Variants in CASQ1 observed in about 807,000 individuals in gnomAD.
CASQ1 encodes the protein calsequestrin-1.
CASQ1 carries 40 observed loss-of-function variants against 49.5 expected under a neutral mutation model. That is an observed-to-expected ratio of 0.81 (90% CI 0.63 to 1.05). CASQ1 has a LOEUF of 1.05. CASQ1 is among the 50% of genes least tolerant of loss of function. The probability of loss-of-function intolerance (pLI) is 0.00; values close to 1 mark genes in which losing one functional copy is unlikely to be tolerated. For synonymous variants in CASQ1, 174 were observed against 187.2 expected, an observed-to-expected ratio of 0.93 and a Z score of 0.58; for missense variants, 469 against 486.9, an observed-to-expected ratio of 0.96 and a Z score of 0.35.
chr1:160,192,109 G>A (rs1654089154), intron 1 of CASQ1, among the ~76,000 whole-genome samples: 1 of 152,238 alleles, frequency 6.6e-6, no homozygotes, highest in African/African-American at 2.4e-5. Context: ...TGAACGCTAA[G>A]CTGGAAGGCT....
intron 7 of CASQ1, 80 bp from the exon 8 acceptor site, chr1:160,198,597 A>C: frequency 1.0e-6 from 1 of 976,198 alleles, no homozygotes; most frequent in Non-Finnish European, 1.6e-6. Context: ...AACATCTAGG[A>C]TCTGTTCTGG....
Position 160,195,944 on chromosome 1 carries a change from G to T in CASQ1, c.699G>T (p.Glu233Asp), listed in dbSNP as rs370167276. Reference protein sequence around the residue: ...TLKLNEIDFYEAFMEEPVTIP... With the variant: ...TLKLNEIDFYDAFMEEPVTIP... Reference sequence around the variant, plus strand: ...AGCTGAATGAGATTGATTTCTACGAGGCCTTCATGGAAGAGCCTGTGACCA... The same window carrying T: ...AGCTGAATGAGATTGATTTCTACGATGCCTTCATGGAAGAGCCTGTGACCA... Residue 233 changes from glutamate to aspartate, a missense_variant, in exon 6 of 11, where the codon GAG (glutamate) becomes GAT (aspartate). Physicochemically the swap from Glu to Asp is conservative, Grantham distance 45 (BLOSUM62 2). Transcript: ENST00000368078. The T allele has an allele frequency of 6.2e-7, 1 of 1,613,996 alleles. No homozygotes were observed. Among genetic ancestry groups the T allele is most frequent in the Non-Finnish European group, 8.5e-7 (1 of 1,179,952 alleles).
At chr1:160,197,745 G>A (rs1398301175) in intron 7 of CASQ1, 131 bp downstream of exon 7, 19 of 692,736 alleles carry the variant, frequency 2.7e-5, no homozygotes, top group Admixed American at 4.2e-5. Context: ...CCAGCTGGGT[G>A]TGGTGGCTCA....
In CASQ1 at chr1:160,201,487, G is replaced by T; in HGVS notation, c.*111G>T. On this transcript the variant is annotated 3_prime_UTR_variant, in exon 11 of 11. Coordinates refer to ENST00000368078, the MANE Select transcript of CASQ1 (RefSeq NM_001231.5). ...AGACTAGGTTATTCTCTGCCATAGA[G>T]CTAACTGGGGTCTATATGCTGGGTG... The T allele has an allele frequency of 8.6e-7, 1 of 1,156,574 alleles. No homozygotes were observed. The highest frequency in any genetic ancestry group is 1.2e-6 in the Non-Finnish European group (1 of 803,660). 71.6% of individuals were successfully genotyped at this position (1,156,574 alleles called of 1,614,324 possible).
rs1654300011 is a variant in CASQ1 at position 160,198,678 on chromosome 1, A to AGGAT, written c.832_835dup (p.Asp279GlyfsTer2). On this transcript the variant is annotated frameshift_variant and splice_region_variant, in exon 8 of 11. Coordinates refer to ENST00000368078, the MANE Select transcript of CASQ1 (RefSeq NM_001231.5). LOFTEE classifies it high-confidence loss of function. ...GTTCTCCTTCTTACCCCCTGACAGG[A>AGGAT]GGATGATATGGATGGAATCCACATT... is the stretch of plus-strand genomic sequence containing the variant. 1 of 1,612,634 alleles carries AGGAT rather than the reference A, an allele frequency of 6.2e-7. No homozygotes were observed. Among genetic ancestry groups the AGGAT allele is most frequent in the African/African-American group, 1.3e-5 (1 of 74,984 alleles).
chr1:160,197,596 G>A lies in CASQ1; in HGVS notation c.810G>A (p.Glu270=), dbSNP rs1223141581. The A allele has an allele frequency of 1.2e-6, 2 of 1,611,824 alleles. No individual in the cohort carries two copies. The highest frequency in any genetic ancestry group is 2.2e-5 in the South Asian group (2 of 91,040). ...CAACCCTGAGGAAACTGAAGCCGGA[G>A]AGTATGTATGAGACCTGGGTGAGTG... ...RRSTLRKLKP[E]SMYETWEDDM... Residue 270 remains glutamate, a synonymous_variant, in exon 7 of 11, where the codon GAG becomes GAA. Coordinates refer to ENST00000368078, the MANE Select transcript of CASQ1 (RefSeq NM_001231.5).
intron 10 of CASQ1, 95 bp from the exon 11 acceptor site, chr1:160,201,150 T>C: frequency 7.8e-7 from 1 of 1,284,344 alleles, no homozygotes; most frequent in Non-Finnish European, 1.1e-6. Context: ...GGACTGAGAA[T>C]GTAGGGAAGG....
chr1:160,193,083 T>G (rs1197292164), intron 2 of CASQ1, among the ~76,000 whole-genome samples, 197 bp downstream of exon 2: 2 of 152,124 alleles, frequency 1.3e-5, no homozygotes, highest in Admixed American at 1.3e-4. Context: ...CTATTCCTTA[T>G]GAAGTTCCAT....
At chr1:160,198,777 G>A in intron 8 of CASQ1, 46 bp downstream of exon 8, 3 of 1,560,438 alleles carry the variant, frequency 1.9e-6, no homozygotes, top group Non-Finnish European at 1.8e-6. Context: ...GCAGGGGGAG[G>A]TGGGTGTGTT....
chr1:160,195,408 TC>T (rs1176823376), intron 4 of CASQ1, 52 bp from the exon 5 acceptor site: 206 of 1,531,548 alleles, frequency 1.3e-4, no homozygotes, highest in Non-Finnish European at 1.8e-4. Context: ...GGGGGATGAT[TC>T]CCGGGCAGAC....
intron 2 of CASQ1, among the ~76,000 whole-genome samples, chr1:160,193,173 G>A (rs940275769): frequency 2.6e-5 from 4 of 152,148 alleles, no homozygotes; most frequent in African/African-American, 7.2e-5. Flanking sequence ...GGGAAGGGGA[G>A]TCGGGGAATA....
chr1:160,200,953 A>G (rs963725912), intron 10 of CASQ1, among the ~76,000 whole-genome samples: 1 of 152,216 alleles, frequency 6.6e-6, no homozygotes, highest in Non-Finnish European at 1.5e-5. Context: ...ATGAAGAGCT[A>G]CCAGTGGTTT....
In CASQ1 at chr1:160,195,472, T is replaced by C. The variant is rs371737655; in HGVS notation, c.589T>C (p.Phe197Leu). 6 of 1,614,068 alleles carry C rather than the reference T, an allele frequency of 3.7e-6. No homozygotes were observed. Among genetic ancestry groups the C allele is most frequent in the Non-Finnish European group, 5.1e-6 (6 of 1,179,950 alleles). The change falls in exon 5 of 11, where the codon TTC becomes CTC. Residue 197 changes from phenylalanine (F) to leucine (L), a missense_variant. Coordinates refer to ENST00000368078, the MANE Select transcript of CASQ1 (RefSeq NM_001231.5). ...ATTCCACCCCCCAGATTACAAAGCCTTCGAGGATGCAGCTGAGGAGTTTCA... is the reference window on the plus strand; with the variant it reads ...ATTCCACCCCCCAGATTACAAAGCCCTCGAGGATGCAGCTGAGGAGTTTCA... ...KSKDSEHYKA[F>L]EDAAEEFHPY... is the part of the protein sequence containing the mutation.
In CASQ1 at chr1:160,201,690, GGCCCCATCTCT is replaced by G. The variant is rs1654381249; in HGVS notation, c.*316_*326del. The G allele has an allele frequency of 2.0e-5, 8 of 407,418 alleles. No homozygotes were observed. In the East Asian group the frequency reaches 3.9e-4, roughly 20 times the overall value. 25.2% of individuals were successfully genotyped at this position (407,418 alleles called of 1,614,324 possible). ...TGATTCTCCTCTAGCCATATATATGGGCCCCATCTCTGTTCTGTTCCCTCCATCTATGCACA... is the reference window on the plus strand; with the variant it reads ...TGATTCTCCTCTAGCCATATATATGGGTTCTGTTCCCTCCATCTATGCACA... On this transcript the variant is annotated 3_prime_UTR_variant, in exon 11 of 11. Coordinates refer to ENST00000368078, the MANE Select transcript of CASQ1 (RefSeq NM_001231.5).
At chr1:160,198,812 A>C in intron 8 of CASQ1, 81 bp downstream of exon 8, 3 of 1,378,072 alleles carry the variant, frequency 2.2e-6, no homozygotes, top group Non-Finnish European at 3.1e-6. Context: ...CCTCACTAGG[A>C]GGCTTTCCTG....
At chr1:160,195,582 G>A (rs538087318) in intron 5 of CASQ1, 48 bp downstream of exon 5, 1 of 1,563,556 alleles carries the variant, frequency 6.4e-7, no homozygotes, top group South Asian at 1.1e-5. Flanking sequence ...TCCTGAAGCT[G>A]TCCTCCAGTT....
intron 7 of CASQ1, 83 bp from the exon 8 acceptor site, chr1:160,198,593 TA>T: frequency 1.1e-6 from 1 of 948,484 alleles, no homozygotes; most frequent in East Asian, 2.4e-5. Flanking sequence ...AATGAACATC[TA>T]GGATCTGTTC....
intron 3 of CASQ1, 80 bp from the exon 4 acceptor site, chr1:160,194,932 C>A: frequency 1.2e-6 from 1 of 858,270 alleles, no homozygotes; most frequent in Non-Finnish European, 1.9e-6. Flanking sequence ...CTCCAGTTCC[C>A]CAGCCTTCTT....
At chr1:160,191,654 G>C (rs899497878) in intron 1 of CASQ1, among the ~76,000 whole-genome samples, 1 of 152,124 alleles carries the variant, frequency 6.6e-6, no homozygotes, top group South Asian at 2.1e-4. Flanking sequence ...GTGTCAGAAT[G>C]TCTTCCCCAA....
Sources: allele counts gnomAD v4.1 joint callset (sites outside exome capture counted in the v4.1 genomes callset), GRCh38; gene constraint gnomAD v4.1.1; transcripts MANE v1.5; gene names NCBI Gene and HGNC (gene_info 2026-07-23, HGNC 2026-07-21).